Variants in NFATC1 observed in about 807,000 individuals in gnomAD.
NFATC1 encodes the protein nuclear factor of activated T cells 1, also known as nuclear factor of activated T-cells, cytoplasmic 1.
In NFATC1, 22 loss-of-function variants were observed where a neutral mutation model predicts 76.0. That is an observed-to-expected ratio of 0.29 (90% confidence interval 0.21 to 0.41). NFATC1 has a LOEUF of 0.41. Ranked by LOEUF, NFATC1 falls within the 10% of genes least tolerant of loss-of-function variation. The pLI is 1.00. For missense variants in NFATC1, 1,357 were observed against 1,337.7 expected (o/e 1.01, Z -0.23); for synonymous variants, 704 against 613.1 (o/e 1.15, Z -2.19).
intron 2 of NFATC1, among the ~76,000 whole-genome samples, chr18:79,430,899 G>T (rs2086567565): frequency 6.6e-6 from 1 of 152,212 alleles, no homozygotes; most frequent in Admixed American, 6.5e-5. Flanking sequence ...CGAGCTCTGT[G>T]CAGAGAAGTC....
intron 1 of NFATC1, among the ~76,000 whole-genome samples, chr18:79,397,950 C>T (rs910505429): frequency 3.3e-4 from 50 of 152,318 alleles, no homozygotes; most frequent in African/African-American, 1.2e-3. Flanking sequence ...ACTGGGCCAG[C>T]CGGAAAGTGT....
chr18:79,400,267 GCGGGGCGGGGA>G (rs1290121215), intron 1 of NFATC1: 32 of 1,173,296 alleles, frequency 2.7e-5, no homozygotes, highest in South Asian at 7.0e-5. Flanking sequence ...GGGGGCGGGG[GCGGGGCGGGGA>G]CGGGGGGAGG....
intron 9 of NFATC1, among the ~76,000 whole-genome samples, chr18:79,491,991 A>C (rs994607201): frequency 6.6e-6 from 1 of 152,216 alleles, no homozygotes; most frequent in Non-Finnish European, 1.5e-5. Flanking sequence ...CCTCACGCCC[A>C]GTGATGCTGA....
At chr18:79,508,326 G>A (rs1343372779) in intron 9 of NFATC1, among the ~76,000 whole-genome samples, 1 of 152,114 alleles carries the variant, frequency 6.6e-6, no homozygotes, top group African/African-American at 2.4e-5. Context: ...AGGAGGAAGC[G>A]TCGTCACCTG....
chr18:79,399,261 G>C lies in NFATC1; in HGVS notation c.127+2910G>C, dbSNP rs1756204432. The stretch of plus-strand genomic sequence containing the variant: ...CACGGAACGATGGCTTATCACTGGA[G>C]AAAACCAGCCAGTGAAAGGGTCGCG... On this transcript the variant is annotated intron_variant, in intron 1 of 9. Transcript: ENST00000427363. Among the ~76,000 whole-genome samples the C allele has an allele frequency of 2.0e-5, 3 of 152,260 alleles. No homozygotes were observed. In the South Asian group the frequency reaches 6.2e-4, roughly 32 times the overall value.
At chr18:79,435,487 T>C (rs1018930466) in intron 3 of NFATC1, among the ~76,000 whole-genome samples, 1 of 152,116 alleles carries the variant, frequency 6.6e-6, no homozygotes, top group African/African-American at 2.4e-5. Context: ...TAGCTGGGAC[T>C]ACAGGCAGCC....
chr18:79,476,907 G>A (rs1283424413), intron 8 of NFATC1, among the ~76,000 whole-genome samples: 4 of 152,216 alleles, frequency 2.6e-5, no homozygotes, highest in Admixed American at 2.6e-4. Context: ...ACCTTGGAAC[G>A]CGCTTCAGCA....
At chr18:79,426,127 G>T (rs1229725085) in intron 2 of NFATC1, among the ~76,000 whole-genome samples, 1 of 152,134 alleles carries the variant, frequency 6.6e-6, no homozygotes, top group Admixed American at 6.5e-5. Context: ...GGAGGATCCC[G>T]TGAGGCCACT....
intron 4 of NFATC1, among the ~76,000 whole-genome samples, chr18:79,450,205 A>C (rs1041190725): frequency 3.8e-4 from 58 of 152,154 alleles, no homozygotes; most frequent in Admixed American, 1.3e-3. Flanking sequence ...GTTTATTCTC[A>C]TTCTCTTAAC....
rs562629385 is a variant in NFATC1 at position 79,467,307 on chromosome 18, G to A, written c.1960-143G>A. 209 of 731,932 alleles carry A rather than the reference G, an allele frequency of 2.9e-4. 8 individuals are homozygous for A. The African/African-American group carries it at 3.7e-3, about 13-fold the overall frequency. 45.3% of individuals were successfully genotyped at this position (731,932 alleles called of 1,614,324 possible). On this transcript the variant is annotated intron_variant, in intron 7 of 9. Coordinates refer to ENST00000427363, the MANE Select transcript of NFATC1 (RefSeq NM_001278669.2). Reference sequence around the variant, plus strand: ...CAGTCCTGTGCTGCCGTGGAAACGCGGGGTTGCCGTGTGGCCGCCGTGGAA... The same window carrying A: ...CAGTCCTGTGCTGCCGTGGAAACGCAGGGTTGCCGTGTGGCCGCCGTGGAA...
chr18:79,487,390 T>G (rs1365064780), intron 9 of NFATC1, among the ~76,000 whole-genome samples: 1 of 152,200 alleles, frequency 6.6e-6, no homozygotes, highest in African/African-American at 2.4e-5. Flanking sequence ...GACGAGCACG[T>G]TACCCCGTGC....
chr18:79,510,880 G>C (rs111480631), intron 9 of NFATC1, among the ~76,000 whole-genome samples: 1 of 150,250 alleles, frequency 6.7e-6, no homozygotes. Context: ...GGCATCTTCC[G>C]CCGGGGCATC....
At chr18:79,468,547 G>A (rs1234598757) in intron 8 of NFATC1, 1 of 152,126 alleles carries the variant, frequency 6.6e-6, no homozygotes, top group Non-Finnish European at 1.5e-5. Flanking sequence ...TTACACACTG[G>A]GCGCTAATTG....
intron 9 of NFATC1, among the ~76,000 whole-genome samples, chr18:79,507,840 G>A (rs1156822969): frequency 1.3e-5 from 2 of 152,252 alleles, no homozygotes; most frequent in South Asian, 2.1e-4. Flanking sequence ...GGGAGCTTTC[G>A]GAGGAGCTGG....
intron 9 of NFATC1, among the ~76,000 whole-genome samples, chr18:79,490,095 C>CG (rs1229393116): frequency 6.6e-6 from 1 of 152,182 alleles, no homozygotes; most frequent in Non-Finnish European, 1.5e-5. Context: ...ATCTCCCCCC[C>CG]GCCCCCGCCC....
At chr18:79,520,601 C>CTG (rs1181753972) in intron 9 of NFATC1, among the ~76,000 whole-genome samples, 2 of 102,686 alleles carry the variant, frequency 1.9e-5, no homozygotes, top group African/African-American at 3.9e-5. Flanking sequence ...ATGTGTGTGT[C>CTG]TGTGTGTGTG....
intron 9 of NFATC1, chr18:79,515,864 G>A (rs1307163984): frequency 6.6e-6 from 1 of 151,822 alleles, no homozygotes; most frequent in African/African-American, 2.4e-5. Flanking sequence ...ATAATTTGGG[G>A]GCATATACTT....
Position 79,524,879 on chromosome 18 carries a change from G to A in NFATC1, c.2783-2649G>A, listed in dbSNP as rs1197427186. On this transcript the variant is annotated intron_variant, in intron 9 of 9. Transcript: ENST00000427363. This position sits in a 1 kb window ranked among gnomAD's most constrained non-coding sequence, Gnocchi z 7.2. ...CAGCGACGCGCCCTCCTGTGCCCGCGGGGAACAAGACGGCTCTCGGCGGCC... is the reference window on the plus strand; with the variant it reads ...CAGCGACGCGCCCTCCTGTGCCCGCAGGGAACAAGACGGCTCTCGGCGGCC... 2.0e-5 allele frequency among the ~76,000 whole-genome samples: 3 copies of A among 151,948 alleles called. No individual in the cohort carries two copies. Among genetic ancestry groups the A allele is most frequent in the Admixed American group, 6.6e-5 (1 of 15,262 alleles).
chr18:79,444,651 G>A lies in NFATC1; in HGVS notation c.1387-4131G>A, dbSNP rs117141436. 2.7e-3 allele frequency among the ~76,000 whole-genome samples: 405 copies of A among 152,256 alleles called. 1 individual carries two copies. The highest frequency in any genetic ancestry group is 9.3e-3 in the African/African-American group (387 of 41,552). The stretch of plus-strand genomic sequence containing the variant: ...CAACCTGGCAGACCACACCAGCGCC[G>A]CACACACAGGCACCCCTGTGGGCAC... On this transcript the variant is annotated intron_variant, in intron 3 of 9. Transcript: ENST00000427363.
Sources: gnomAD v4.1 joint callset for allele counts (sites outside exome capture counted in the v4.1 genomes callset) on GRCh38, gnomAD v4.1.1 for gene constraint, Gnocchi (gnomAD v3.1) non-coding constraint, MANE v1.5 for transcripts, NCBI Gene and HGNC (gene_info 2026-07-23, HGNC 2026-07-21) for gene names.